Variants in SPATA3 observed in about 807,000 individuals in gnomAD.
The protein encoded by SPATA3 is spermatogenesis-associated protein 3.
Under a neutral mutation model 5.7 loss-of-function variants are expected in SPATA3, and 6 were observed. The ratio of observed to expected loss-of-function variants is 1.06; its 90% CI spans 0.58 to 2.09. The LOEUF (loss-of-function observed/expected upper bound fraction) is 2.09. SPATA3 is among the 30% of genes most tolerant of loss of function. SPATA3 has a pLI of 0.00. For missense variants in SPATA3, 155 were observed against 130.4 expected, an observed-to-expected ratio of 1.19 and a Z score of -0.92; for synonymous variants, 44 against 48.4, an observed-to-expected ratio of 0.91 and a Z score of 0.37.
chr2:231,015,567 T>G (rs1443312441), intron 6 of SPATA3, among the ~76,000 whole-genome samples: 1 of 152,204 alleles, frequency 6.6e-6, no homozygotes, highest in African/African-American at 2.4e-5. Flanking sequence ...AAGCCTGGAA[T>G]AGAGGCTTGT....
At chr2:231,000,576 T>C (rs1471241297) in intron 2 of SPATA3, 39 bp downstream of exon 2, 2 of 1,453,246 alleles carry the variant, frequency 1.4e-6, no homozygotes, top group African/African-American at 1.4e-5. Context: ...GGGCACACAG[T>C]CCCCAGGGCC....
chr2:230,999,761 T>C (rs986733951), intron 1 of SPATA3: 1 of 169,218 alleles, frequency 5.9e-6, no homozygotes, highest in African/African-American at 2.4e-5. Context: ...TCTAGATCAA[T>C]GGAACGTGGC....
downstream of SPATA3, among the ~76,000 whole-genome samples, chr2:231,005,481 C>T (rs1336928133): frequency 2.6e-4 from 14 of 53,348 alleles, no homozygotes; most frequent in Non-Finnish European, 4.1e-4. Context: ...ATCATCACCA[C>T]CACCACCATC....
chr2:231,000,344 C>G (rs1452675582), intron 1 of SPATA3, 22 bp from the exon 2 acceptor site: 1 of 1,443,330 alleles, frequency 6.9e-7, no homozygotes, highest in Non-Finnish European at 9.2e-7. Context: ...CCTCCCTCAC[C>G]TCTCTCCTTC....
intron 5 of SPATA3, chr2:231,013,869 T>C (rs2125123175): frequency 6.6e-6 from 1 of 151,986 alleles, no homozygotes; most frequent in South Asian, 2.1e-4. Context: ...TTTTTTTTTT[T>C]TGAGGGTCTC....
intron 1 of SPATA3, among the ~76,000 whole-genome samples, chr2:230,997,291 CTT>C (rs1337056190): frequency 6.6e-6 from 1 of 152,208 alleles, no homozygotes; most frequent in Non-Finnish European, 1.5e-5. Context: ...CACAAACTCT[CTT>C]CTCTTGTCTG....
At chr2:231,019,221 G>A (rs1335962993) in intron 6 of SPATA3, among the ~76,000 whole-genome samples, 4 of 150,568 alleles carry the variant, frequency 2.7e-5, no homozygotes, top group Non-Finnish European at 5.9e-5. Context: ...CGCCCACCTT[G>A]GCCTCCCAAA....
At chr2:231,001,195 A>G (rs974969698) in intron 2 of SPATA3, among the ~76,000 whole-genome samples, 4 of 152,142 alleles carry the variant, frequency 2.6e-5, no homozygotes, top group African/African-American at 9.7e-5. Flanking sequence ...GAGCAGTGTC[A>G]TGGCTGCCAC....
intron 2 of SPATA3, among the ~76,000 whole-genome samples, chr2:231,001,618 C>T (rs959748100): frequency 7.2e-5 from 11 of 152,240 alleles, no homozygotes; most frequent in East Asian, 5.8e-4. Context: ...CCTGCCCACA[C>T]GCTTAGTACT....
chr2:231,003,350 G>A (rs1314900145), downstream of SPATA3, among the ~76,000 whole-genome samples: 1 of 152,208 alleles, frequency 6.6e-6, no homozygotes, highest in Non-Finnish European at 1.5e-5. Flanking sequence ...GAGGGCAAGG[G>A]GCATGGCTCA....
downstream of SPATA3, among the ~76,000 whole-genome samples, chr2:231,005,025 CCAT>C (rs1222276798): frequency 1.4e-5 from 1 of 69,726 alleles, no homozygotes; most frequent in East Asian, 4.6e-4. Flanking sequence ...ATCACCATCA[CCAT>C]CATCACCATC....
Position 231,000,356 on chromosome 2 carries a change from G to A in SPATA3, c.791-10G>A, listed in dbSNP as rs1200418096. ...GTGCCTCCCTCACCTCTCTCCTTCT[G>A]TCCCCACAGGGCCTCTGATTCGCGC... On this transcript the variant is annotated splice_polypyrimidine_tract_variant and intron_variant, in intron 1 of 2. Coordinates refer to ENST00000645363, the Ensembl canonical transcript of SPATA3. 6 of 1,467,624 alleles carry A rather than the reference G, an allele frequency of 4.1e-6. No individual in the cohort carries two copies. The highest frequency in any genetic ancestry group is 5.5e-6 in the Non-Finnish European group (6 of 1,098,708). 90.9% of individuals were successfully genotyped at this position (1,467,624 alleles called of 1,614,324 possible). A position where few individuals can be genotyped will look rare whatever the true frequency, so the allele number is the denominator to read the frequency against.
At chr2:231,002,721 T>G in exon 3 of SPATA3, 2 of 1,532,848 alleles carry the variant, frequency 1.3e-6, no homozygotes, top group South Asian at 2.5e-5. Context: ...TCGTAACGCG[T>G]GTCCTCCAAG....
intron 6 of SPATA3, among the ~76,000 whole-genome samples, chr2:231,014,612 G>A (rs1418853461): frequency 1.3e-5 from 2 of 152,100 alleles, no homozygotes; most frequent in South Asian, 2.1e-4. Context: ...GCAATCCCAG[G>A]TGCAAGATTG....
rs1490910534 is a variant in SPATA3, at chr2:230,998,120, G to T, written c.791-2246G>T. Among the ~76,000 whole-genome samples the T allele has an allele frequency of 3.3e-5, 5 of 152,284 alleles. No individual in the cohort carries two copies. The East Asian group carries it at 9.6e-4, about 29-fold the overall frequency. ...CTCTGTCCGAGCATCTCCTGGATCT[G>T]CCATGAGCCAGTGCCCACGACTCCA... On this transcript the variant is annotated intron_variant, in intron 1 of 2. Transcript: ENST00000645363.
intron 1 of SPATA3, among the ~76,000 whole-genome samples, chr2:230,999,268 G>A (rs1330338520): frequency 6.6e-6 from 1 of 152,144 alleles, no homozygotes; most frequent in Admixed American, 6.5e-5. Context: ...ATGGAGATGG[G>A]GTTTCTTTTT....
At chr2:231,018,688 T>C (rs1337198106) in intron 6 of SPATA3, among the ~76,000 whole-genome samples, 1 of 151,954 alleles carries the variant, frequency 6.6e-6, no homozygotes, top group Non-Finnish European at 1.5e-5. Context: ...TATTGGTTTT[T>C]CTTTTTTTTT....
downstream of SPATA3, among the ~76,000 whole-genome samples, chr2:231,011,649 C>A (rs751226617): frequency 6.6e-6 from 1 of 151,632 alleles, no homozygotes. Flanking sequence ...CAGGCCATCC[C>A]GCAGTCACAG....
downstream of SPATA3, among the ~76,000 whole-genome samples, chr2:231,011,072 C>CAAAAAAAAAAAAAAA (rs556496371): frequency 1.3e-4 from 10 of 79,824 alleles, no homozygotes; most frequent in African/African-American, 1.8e-4. Context: ...GACCCTGTCT[C>CAAAAAAAAAAAAAAA]AAAAAAAAAA....
Sources: gnomAD v4.1 joint callset for allele counts (sites outside exome capture counted in the v4.1 genomes callset) on GRCh38, gnomAD v4.1.1 for gene constraint, MANE v1.5 for transcripts, NCBI Gene and HGNC (gene_info 2026-07-23, HGNC 2026-07-21) for gene names.